Variants in DCDC1 observed in about 807,000 individuals in gnomAD.
DCDC1 encodes the protein doublecortin domain containing 1.
DCDC1 carries 200 observed loss-of-function variants against 178.3 expected under a neutral mutation model. That is an observed-to-expected ratio of 1.12 (90% CI 1.00 to 1.26). DCDC1 has a LOEUF of 1.26. DCDC1 is among the 50% of genes most tolerant of loss of function. The pLI is 0.00. For synonymous variants in DCDC1, 690 were observed against 604.8 expected (o/e 1.14, Z -2.07); for missense variants, 1,983 against 1,749.2 (o/e 1.13, Z -2.38).
intron 10 of DCDC1, among the ~76,000 whole-genome samples, chr11:31,132,949 C>A (rs1051520097): frequency 6.6e-6 from 1 of 152,176 alleles, no homozygotes; most frequent in Non-Finnish European, 1.5e-5. Context: ...TGTCTATAAA[C>A]ATACAGACAG....
intron 22 of DCDC1, among the ~76,000 whole-genome samples, chr11:30,930,638 G>A (rs767497355): frequency 1.3e-5 from 2 of 151,954 alleles, no homozygotes; most frequent in Non-Finnish European, 2.9e-5. Context: ...AAATTTGTTC[G>A]GATTACCTGA....
At chr11:31,195,581 G>T (rs1233665380) in intron 9 of DCDC1, among the ~76,000 whole-genome samples, 1 of 151,804 alleles carries the variant, frequency 6.6e-6, no homozygotes, top group Admixed American at 6.6e-5. Context: ...TCAAATCAAA[G>T]GTTACTTCTT....
chr11:31,032,383 C>T (rs1468271355), intron 20 of DCDC1, among the ~76,000 whole-genome samples: 2 of 151,990 alleles, frequency 1.3e-5, no homozygotes, highest in African/African-American at 4.8e-5. Flanking sequence ...TATTGTATTT[C>T]CTAATGTTTC....
At chr11:31,263,708 G>A (rs183282053) in intron 8 of DCDC1, among the ~76,000 whole-genome samples, 31 of 152,246 alleles carry the variant, frequency 2.0e-4, no homozygotes, top group Admixed American at 3.9e-4. Flanking sequence ...ATAAATCAAG[G>A]AAAGAGTCTG....
intron 21 of DCDC1, chr11:30,944,195 C>T: frequency 2.6e-6 from 1 of 389,656 alleles, no homozygotes; most frequent in South Asian, 2.0e-5. Context: ...TTTCTTCTCT[C>T]TCCCTTCCTT....
At chr11:31,330,318 T>C (rs939572769) in intron 2 of DCDC1, among the ~76,000 whole-genome samples, 3 of 152,218 alleles carry the variant, frequency 2.0e-5, no homozygotes, top group Non-Finnish European at 4.4e-5. Flanking sequence ...GATAGGTAGA[T>C]GGCAAAAATT....
chr11:30,971,214 T>C (rs564191164), intron 20 of DCDC1, among the ~76,000 whole-genome samples: 14 of 152,214 alleles, frequency 9.2e-5, no homozygotes, highest in African/African-American at 3.1e-4. Flanking sequence ...ATGCCAGATA[T>C]GCAGATATCA....
At chr11:31,277,517 C>T (rs967017371) in intron 7 of DCDC1, among the ~76,000 whole-genome samples, 14 of 152,134 alleles carry the variant, frequency 9.2e-5, no homozygotes, top group Admixed American at 4.6e-4. Context: ...CAAGTGGCTG[C>T]GTCATTTTGC....
intron 1 of DCDC1, among the ~76,000 whole-genome samples, chr11:31,353,672 G>A (rs1450966718): frequency 6.6e-6 from 1 of 152,146 alleles, no homozygotes; most frequent in Non-Finnish European, 1.5e-5. Context: ...CAAGTCTGAT[G>A]TTCGATATTT....
intron 1 of DCDC1, among the ~76,000 whole-genome samples, chr11:31,348,770 G>GAGCT (rs1371360794): frequency 7.9e-5 from 12 of 152,158 alleles, no homozygotes. Flanking sequence ...ATCTCCAATA[G>GAGCT]AGCTAGTCCA....
chr11:31,170,185 G>T (rs1967037673), intron 9 of DCDC1, among the ~76,000 whole-genome samples: 1 of 152,212 alleles, frequency 6.6e-6, no homozygotes, highest in African/African-American at 2.4e-5. Flanking sequence ...TAGTCCAGAT[G>T]AAAGGTACCA....
At chr11:31,032,201 C>G (rs1341053582) in intron 20 of DCDC1, among the ~76,000 whole-genome samples, 4 of 152,042 alleles carry the variant, frequency 2.6e-5, no homozygotes, top group Non-Finnish European at 5.9e-5. Flanking sequence ...AGATCAAGAT[C>G]TCAGGATCTA....
Position 31,336,957 on chromosome 11 carries a change from T to C in DCDC1, c.-124-1393A>G, listed in dbSNP as rs371357563. Among the ~76,000 whole-genome samples, 384 of 152,252 alleles carry C rather than the reference T, an allele frequency of 2.5e-3. 2 individuals carry two copies. The highest frequency in any genetic ancestry group is 8.3e-3 in the African/African-American group (345 of 41,556). On this transcript the variant is annotated intron_variant, in intron 1 of 38. Coordinates refer to ENST00000684477, the MANE Select transcript of DCDC1 (RefSeq NM_001387274.1). Reference sequence around the variant, plus strand: ...AATGAAAGCCAGGACTGAGGGAAGATTGAAGGAGTCTGAACCTCTGACAAC... The same window carrying C: ...AATGAAAGCCAGGACTGAGGGAAGACTGAAGGAGTCTGAACCTCTGACAAC...
intron 9 of DCDC1, among the ~76,000 whole-genome samples, chr11:31,182,217 C>T (rs531968112): frequency 1.3e-5 from 2 of 152,272 alleles, no homozygotes; most frequent in Admixed American, 6.5e-5. Flanking sequence ...GACAGGCCAA[C>T]ACTCAAATTC....
intron 9 of DCDC1, among the ~76,000 whole-genome samples, chr11:31,140,762 G>A (rs1411843245): frequency 6.6e-6 from 1 of 151,912 alleles, no homozygotes; most frequent in African/African-American, 2.4e-5. Flanking sequence ...AGAAACTAAG[G>A]GAAAAAAATC....
At chr11:30,961,408 A>C (rs1244011766) in intron 20 of DCDC1, among the ~76,000 whole-genome samples, 1 of 152,086 alleles carries the variant, frequency 6.6e-6, no homozygotes, top group African/African-American at 2.4e-5. Flanking sequence ...ATAACAGATA[A>C]ATAACAGATA....
intron 7 of DCDC1, among the ~76,000 whole-genome samples, chr11:31,287,098 C>A (rs1383895908): frequency 1.3e-5 from 2 of 151,920 alleles, no homozygotes; most frequent in African/African-American, 4.8e-5. Flanking sequence ...AACTTTTCAA[C>A]CAACTTTTTA....
chr11:31,215,682 A>G (rs1973458959), intron 9 of DCDC1, among the ~76,000 whole-genome samples: 1 of 151,754 alleles, frequency 6.6e-6, no homozygotes, highest in Non-Finnish European at 1.5e-5. Context: ...AGTCCTAGCT[A>G]CTCGGGAGCC....
Position 30,878,693 on chromosome 11 carries a change from T to C in DCDC1, c.5252A>G (p.Glu1751Gly). The change falls in exon 38 of 39, where the codon GAG becomes GGG. Residue 1751 changes from glutamate to glycine, a missense_variant. Glu to Gly is a moderately conservative substitution (Grantham distance 98, BLOSUM62 -2). Transcript: ENST00000684477. The stretch of plus-strand genomic sequence containing the variant: ...GATTCTGGCATAATTTGCTCTGATC[T>C]CCATCAGTTGTTTTAACTCTGTTAA... ...KTPKELKQLM[E>G]IRANYARIRR... 1 of 1,585,202 alleles carries C rather than the reference T, an allele frequency of 6.3e-7. No homozygotes were observed. The highest frequency in any genetic ancestry group is 8.5e-7 in the Non-Finnish European group (1 of 1,169,810).
Sources: allele counts gnomAD v4.1 joint callset (sites outside exome capture counted in the v4.1 genomes callset), GRCh38; gene constraint gnomAD v4.1.1; transcripts MANE v1.5; gene names NCBI Gene and HGNC (gene_info 2026-07-23, HGNC 2026-07-21).